Variants in SLC7A1 observed in about 807,000 individuals in gnomAD.
SLC7A1 encodes the protein solute carrier family 7 member 1.
Under a neutral mutation model 53.9 loss-of-function variants are expected in SLC7A1, and 10 were observed. The observed-to-expected ratio is 0.19, with a 90% confidence interval of 0.11 to 0.31. The LOEUF (loss-of-function observed/expected upper bound fraction) is 0.31. SLC7A1 is among the 10% of genes least tolerant of loss of function. SLC7A1 has a pLI of 1.00. For synonymous variants in SLC7A1, 342 were observed against 338.7 expected, an observed-to-expected ratio of 1.01 and a Z score of -0.11; for missense variants, 525 against 827.2, an observed-to-expected ratio of 0.63 and a Z score of 4.48.
At chr13:29,522,200 G>A in intron 8 of SLC7A1, 117 bp downstream of exon 8, 2 of 1,040,268 alleles carry the variant, frequency 1.9e-6, no homozygotes, top group Non-Finnish European at 1.4e-6. Flanking sequence ...ATAAAAACCA[G>A]GAGTTAAAAA....
intron 3 of SLC7A1, 68 bp downstream of exon 3, chr13:29,535,751 C>A: frequency 6.5e-7 from 1 of 1,533,846 alleles, no homozygotes. Context: ...GGCATCCACC[C>A]ACACTTTGGA....
At chr13:29,524,034 G>A (rs553040410) in intron 6 of SLC7A1, 98 bp downstream of exon 6, 51 of 1,216,042 alleles carry the variant, frequency 4.2e-5, no homozygotes, top group Admixed American at 1.8e-4. Context: ...GTGAAAGAGC[G>A]GCGACTGGAC....
chr13:29,587,105 G>T (rs575206550), intron 1 of SLC7A1, among the ~76,000 whole-genome samples: 2 of 152,308 alleles, frequency 1.3e-5, no homozygotes, highest in African/African-American at 2.4e-5. Flanking sequence ...AATACTCAAG[G>T]CTTTTGATCA....
At chr13:29,573,607 T>G (rs1370077205) in intron 1 of SLC7A1, among the ~76,000 whole-genome samples, 2 of 152,216 alleles carry the variant, frequency 1.3e-5, no homozygotes, top group African/African-American at 4.8e-5. Context: ...AGCAAAGAGC[T>G]GTCAGATCAA....
chr13:29,569,314 T>A (rs558711935), intron 1 of SLC7A1, among the ~76,000 whole-genome samples: 100 of 152,194 alleles, frequency 6.6e-4, no homozygotes, highest in African/African-American at 2.3e-3. Flanking sequence ...TCCCCTCAGG[T>A]TGAGGGTGTT....
At chr13:29,573,539 C>T (rs1871286078) in intron 1 of SLC7A1, among the ~76,000 whole-genome samples, 2 of 152,142 alleles carry the variant, frequency 1.3e-5, no homozygotes, top group African/African-American at 2.4e-5. Context: ...AGGCCCACAT[C>T]GTCCCCTTTC....
chr13:29,525,388 C>T (rs906985240), intron 5 of SLC7A1, among the ~76,000 whole-genome samples: 1 of 152,238 alleles, frequency 6.6e-6, no homozygotes, highest in Admixed American at 6.5e-5. Context: ...TTGACAGCCA[C>T]CCAGCTGCAC....
At chr13:29,579,055 T>G (rs1367691051) in intron 1 of SLC7A1, among the ~76,000 whole-genome samples, 1 of 152,244 alleles carries the variant, frequency 6.6e-6, no homozygotes, top group African/African-American at 2.4e-5. Context: ...CAGCTCTCTC[T>G]AGATATCTCA....
chr13:29,542,372 T>C (rs902737723), intron 2 of SLC7A1, among the ~76,000 whole-genome samples: 3 of 152,144 alleles, frequency 2.0e-5, no homozygotes, highest in African/African-American at 7.2e-5. Context: ...GGAGAATTGC[T>C]TGAACCTGGA....
In SLC7A1 at chr13:29,510,285, G is replaced by A. The variant is rs1038303281; in HGVS notation, c.*4195C>T. 1 of 152,622 alleles carries A rather than the reference G, an allele frequency of 6.6e-6. No homozygotes were observed. Among genetic ancestry groups the A allele is most frequent in the African/African-American group, 2.4e-5 (1 of 41,452 alleles). The allele number at this position is 152,622 out of a possible 1,614,324, so 9.5% of individuals were successfully genotyped here. On this transcript the variant is annotated 3_prime_UTR_variant, in exon 13 of 13. Coordinates refer to ENST00000380752, the MANE Select transcript of SLC7A1 (RefSeq NM_003045.5). ...CTGGCACAGAAAGGCTGGACTCGAG[G>A]AATCGAGGGGTGAAGATGGAGTCGG...
At chr13:29,543,364 C>G (rs1206519591) in intron 2 of SLC7A1, among the ~76,000 whole-genome samples, 1 of 152,248 alleles carries the variant, frequency 6.6e-6, no homozygotes, top group African/African-American at 2.4e-5. Context: ...GGCAATGTGA[C>G]TGCTCAAGTC....
chr13:29,595,506 C>CGGGCG lies in SLC7A1; in HGVS notation c.-210_-206dup, dbSNP rs76676938. 22,506 of 149,418 alleles carry CGGGCG rather than the reference C, an allele frequency of 0.15. 2,244 individuals carry two copies. Among genetic ancestry groups the CGGGCG allele is most frequent in the Admixed American group, 0.21 (3,189 of 15,124 alleles). 9.3% of individuals were successfully genotyped at this position (149,418 alleles called of 1,614,324 possible). A position where few individuals can be genotyped will look rare whatever the true frequency, so the allele number is the denominator to read the frequency against. ...CCAACGGACGCTCGGCCGGCGAGAC[C>CGGGCG]GGGCGGGGCGGGGCGGGGCGGGGGC... is the stretch of plus-strand genomic sequence containing the variant. On this transcript the variant is annotated 5_prime_UTR_variant, in exon 1 of 13. The change creates a premature stop within an existing upstream ORF in the 5' untranslated region. Coordinates refer to ENST00000380752, the MANE Select transcript of SLC7A1 (RefSeq NM_003045.5).
chr13:29,550,367 G>C (rs921241419), intron 2 of SLC7A1, among the ~76,000 whole-genome samples: 1 of 152,178 alleles, frequency 6.6e-6, no homozygotes, highest in Non-Finnish European at 1.5e-5. Context: ...AAAAATCAAG[G>C]AGCAAAATAA....
At chr13:29,576,293 T>TAAAAAAAAAAAAAAAAAAAAAA (rs3069134) in intron 1 of SLC7A1, among the ~76,000 whole-genome samples, 5 of 124,948 alleles carry the variant, frequency 4.0e-5, no homozygotes, top group Non-Finnish European at 7.7e-5. Context: ...TCCTGTTTTT[T>TAAAAAAAAAAAAAAAAAAAAAA]AAAAAAAAAA....
At chr13:29,531,886 A>C (rs1018190871) in intron 4 of SLC7A1, among the ~76,000 whole-genome samples, 7 of 152,218 alleles carry the variant, frequency 4.6e-5, no homozygotes, top group Non-Finnish European at 8.8e-5. Flanking sequence ...TTGAGATTGA[A>C]TTATAAAGTA....
At chr13:29,546,331 G>T (rs1277507700) in intron 2 of SLC7A1, among the ~76,000 whole-genome samples, 2 of 152,178 alleles carry the variant, frequency 1.3e-5, no homozygotes. Flanking sequence ...AAACAAATTT[G>T]TTCATTTATT....
Position 29,590,841 on chromosome 13 carries a change from C to T in SLC7A1, c.-115+4575G>A, listed in dbSNP as rs139110794. Reference sequence around the variant, plus strand: ...TCTCAGGGCTAGGCTAAGTGGCTCACGACCATAAACCTAGCACTTTAGGGA... The same window carrying T: ...TCTCAGGGCTAGGCTAAGTGGCTCATGACCATAAACCTAGCACTTTAGGGA... On this transcript the variant is annotated intron_variant, in intron 1 of 12. Coordinates refer to ENST00000380752, the MANE Select transcript of SLC7A1 (RefSeq NM_003045.5). 1.1e-3 allele frequency among the ~76,000 whole-genome samples: 162 copies of T among 152,258 alleles called. 1 individual carries two copies. In the East Asian group the frequency reaches 0.014, roughly 13 times the overall value.
Position 29,510,651 on chromosome 13 carries a change from G to A in SLC7A1, c.*3829C>T, listed in dbSNP as rs1305044740. The stretch of plus-strand genomic sequence containing the variant: ...TCGGAACTGTCTCACGAGACCACCA[G>A]CGCACAGACACGAACATGCCTCTCA... On this transcript the variant is annotated 3_prime_UTR_variant, in exon 13 of 13. Transcript: ENST00000380752. The A allele has an allele frequency of 1.3e-5, 2 of 152,212 alleles. No individual in the cohort carries two copies. The highest frequency in any genetic ancestry group is 4.8e-5 in the African/African-American group (2 of 41,448). 9.4% of individuals were successfully genotyped at this position (152,212 alleles called of 1,614,324 possible).
Position 29,559,720 on chromosome 13 carries a change from CTT to C in SLC7A1, c.-114-5862_-114-5861del, listed in dbSNP as rs745855245. 1.8e-4 allele frequency among the ~76,000 whole-genome samples: 26 copies of C among 145,764 alleles called. No individual in the cohort carries two copies. The South Asian group carries it at 4.2e-3, about 23-fold the overall frequency. On this transcript the variant is annotated intron_variant, in intron 1 of 12. Coordinates refer to ENST00000380752, the MANE Select transcript of SLC7A1 (RefSeq NM_003045.5). ...TTACTTTACAAACTTTTTTGTAACT[CTT>C]TTTTTTTTTTTGAGATGGAGTCTCG... is the stretch of plus-strand genomic sequence containing the variant.
Sources: allele counts gnomAD v4.1 joint callset (sites outside exome capture counted in the v4.1 genomes callset), GRCh38; gene constraint gnomAD v4.1.1; transcripts MANE v1.5; gene names NCBI Gene and HGNC (gene_info 2026-07-23, HGNC 2026-07-21).